The following LRRTM4 variants were observed in gnomAD, a reference collection of about 807,000 sequenced individuals.
LRRTM4 encodes leucine-rich repeat transmembrane neuronal protein 4.
Under a neutral mutation model 47.6 loss-of-function variants are expected in LRRTM4, and 25 were observed. That is an observed-to-expected ratio of 0.53 (90% CI 0.38 to 0.73). The LOEUF is 0.73. LRRTM4 is among the 30% of genes least tolerant of loss of function. LRRTM4 has a pLI of 0.00. For synonymous variants in LRRTM4, 311 were observed against 269.5 expected, an observed-to-expected ratio of 1.15 and a Z score of -1.51; for missense variants, 638 against 713.4, an observed-to-expected ratio of 0.89 and a Z score of 1.20.
chr2:77,409,090 C>A (rs1233671594), intron 3 of LRRTM4, among the ~76,000 whole-genome samples: 1 of 151,962 alleles, frequency 6.6e-6, no homozygotes, highest in African/African-American at 2.4e-5. Flanking sequence ...ATTTTCATCA[C>A]GATAGTTAAT....
chr2:77,242,638 T>C (rs1271009673), intron 3 of LRRTM4, among the ~76,000 whole-genome samples: 1 of 151,924 alleles, frequency 6.6e-6, no homozygotes, highest in Non-Finnish European at 1.5e-5. Flanking sequence ...TTATGATGGA[T>C]ACTATCAAAA....
chr2:77,222,775 G>A (rs1472696701), intron 3 of LRRTM4, among the ~76,000 whole-genome samples: 1 of 152,102 alleles, frequency 6.6e-6, no homozygotes, highest in East Asian at 1.9e-4. Flanking sequence ...TTCTACCAGA[G>A]GTAGAAGGAG....
At chr2:77,240,123 C>G (rs982827242) in intron 3 of LRRTM4, among the ~76,000 whole-genome samples, 6 of 151,644 alleles carry the variant, frequency 4.0e-5, no homozygotes, top group Admixed American at 2.0e-4. Flanking sequence ...TAGTCAATAA[C>G]AGAAAACTAT....
intron 3 of LRRTM4, among the ~76,000 whole-genome samples, chr2:76,980,814 G>A (rs1324108308): frequency 2.6e-5 from 4 of 151,884 alleles, no homozygotes; most frequent in Non-Finnish European, 5.9e-5. Flanking sequence ...TATAATTAAG[G>A]GATTAGAAGG....
In LRRTM4 at chr2:77,019,622, C is replaced by A. The variant is rs142611480; in HGVS notation, c.1552-270706G>T. Among the ~76,000 whole-genome samples the A allele has an allele frequency of 1.1e-3, 163 of 152,202 alleles. 1 individual carries two copies. The highest frequency in any genetic ancestry group is 3.8e-3 in the African/African-American group (158 of 41,558). ...TGGTTAGCTTGTATTATTAACACTG[C>A]TAACCAAGTGATAAAAATTACATCA... is the stretch of plus-strand genomic sequence containing the variant. On this transcript the variant is annotated intron_variant, in intron 3 of 3. Transcript: ENST00000409884.
chr2:76,923,490 T>A (rs1170914294), intron 3 of LRRTM4, among the ~76,000 whole-genome samples: 1 of 152,006 alleles, frequency 6.6e-6, no homozygotes, highest in Admixed American at 6.6e-5. Flanking sequence ...TGCTACTGGG[T>A]CCTTTTTCAT....
chr2:77,284,274 G>A (rs1207435287), intron 3 of LRRTM4, among the ~76,000 whole-genome samples: 1 of 152,014 alleles, frequency 6.6e-6, no homozygotes, highest in Non-Finnish European at 1.5e-5. Flanking sequence ...AATTATCATA[G>A]TATACTTACA....
chr2:76,893,023 G>T (rs184410905), intron 3 of LRRTM4, among the ~76,000 whole-genome samples: 1 of 144,888 alleles, frequency 6.9e-6, no homozygotes, highest in Admixed American at 6.9e-5. Context: ...GAACCACAGA[G>T]AAACAATCAT....
At chr2:77,325,451 C>G (rs988972498) in intron 3 of LRRTM4, among the ~76,000 whole-genome samples, 2 of 152,014 alleles carry the variant, frequency 1.3e-5, no homozygotes, top group Non-Finnish European at 2.9e-5. Flanking sequence ...ATATAGGGCT[C>G]TGGATTTCAG....
At chr2:77,427,760 C>T (rs1675180197) in intron 3 of LRRTM4, among the ~76,000 whole-genome samples, 1 of 152,152 alleles carries the variant, frequency 6.6e-6, no homozygotes, top group African/African-American at 2.4e-5. Context: ...ATAACCAAGG[C>T]TCCACTGAAG....
intron 3 of LRRTM4, among the ~76,000 whole-genome samples, chr2:77,285,072 G>T (rs1676612464): frequency 6.6e-6 from 1 of 151,860 alleles, no homozygotes; most frequent in Admixed American, 6.6e-5. Flanking sequence ...TTAACTAAAG[G>T]CCAAATGATA....
intron 3 of LRRTM4, among the ~76,000 whole-genome samples, chr2:76,959,847 C>T (rs74468696): frequency 0.016 from 2,483 of 151,548 alleles, 83 homozygotes; most frequent in African/African-American, 0.056. Context: ...AATTCCAGTG[C>T]ATTATGATTT....
intron 3 of LRRTM4, among the ~76,000 whole-genome samples, chr2:76,833,302 C>T (rs1232714928): frequency 1.3e-5 from 2 of 152,086 alleles, no homozygotes; most frequent in African/African-American, 4.8e-5. Flanking sequence ...GTGCTGCAAA[C>T]TCCGTGATTG....
intron 3 of LRRTM4, among the ~76,000 whole-genome samples, chr2:76,920,139 T>C (rs561421054): frequency 1.4e-3 from 215 of 152,296 alleles, no homozygotes; most frequent in African/African-American, 4.8e-3. Flanking sequence ...CATCTACAGG[T>C]GATAAAAATC....
intron 3 of LRRTM4, among the ~76,000 whole-genome samples, chr2:76,843,326 A>AT (rs2103941476): frequency 6.6e-6 from 1 of 152,298 alleles, no homozygotes; most frequent in East Asian, 1.9e-4. Context: ...TTCCAAAAAT[A>AT]TTTAAGATTG....
At chr2:77,034,317 C>T (rs1285116993) in intron 3 of LRRTM4, among the ~76,000 whole-genome samples, 1 of 151,942 alleles carries the variant, frequency 6.6e-6, no homozygotes, top group Non-Finnish European at 1.5e-5. Flanking sequence ...GCCCAAGTGT[C>T]TCAATTCAAT....
chr2:76,945,294 G>A lies in LRRTM4; in HGVS notation c.1552-196378C>T, dbSNP rs10203359. ...ATGACACTCTTCATATTTTCCTAAG[G>A]AGCATAGGATTTGCTTCAATGTATA... is the stretch of plus-strand genomic sequence containing the variant. On this transcript the variant is annotated intron_variant, in intron 3 of 3. Transcript: ENST00000409884. 9.5e-3 allele frequency among the ~76,000 whole-genome samples: 1,452 copies of A among 152,088 alleles called. 24 individuals are homozygous for A. Among genetic ancestry groups the A allele is most frequent in the African/African-American group, 0.034 (1,403 of 41,508 alleles).
chr2:77,489,800 G>T (rs990650880), intron 3 of LRRTM4, among the ~76,000 whole-genome samples: 3 of 152,082 alleles, frequency 2.0e-5, no homozygotes, highest in Admixed American at 1.3e-4. Context: ...TCTCAAACAC[G>T]TTCCATATTT....
chr2:77,348,024 TACAC>T (rs10597438), intron 3 of LRRTM4, among the ~76,000 whole-genome samples: 41 of 148,386 alleles, frequency 2.8e-4, no homozygotes, highest in African/African-American at 2.5e-4. Flanking sequence ...AAAACACAAG[TACAC>T]ACACACACAC....
Sources: gnomAD v4.1 joint callset for allele counts (sites outside exome capture counted in the v4.1 genomes callset) on GRCh38, gnomAD v4.1.1 for gene constraint, MANE v1.5 for transcripts, NCBI Gene and HGNC (gene_info 2026-07-23, HGNC 2026-07-21) for gene names.